Variants in ELOC observed in about 807,000 individuals in gnomAD.
ELOC encodes elongin-C.
For missense variants in ELOC, 38 were observed against 139.0 expected, an observed-to-expected ratio of 0.27 and a Z score of 3.65; for synonymous variants, 40 against 51.3, an observed-to-expected ratio of 0.78 and a Z score of 0.94.
In ELOC at chr8:73,959,828, T is replaced by C. The variant is rs111708463; in HGVS notation, c.-50-10A>G. On this transcript the variant is annotated splice_polypyrimidine_tract_variant and intron_variant, in intron 1 of 3. Transcript: ENST00000520242. ...GAACTTTAGTAGTTTCCTGAAAATA[T>C]AACAATATCATATTAAGATTAATGT... The C allele has an allele frequency of 1.7e-5, 24 of 1,383,004 alleles. No homozygotes were observed. The African/African-American group carries it at 2.9e-4, about 17-fold the overall frequency. 85.7% of individuals were successfully genotyped at this position (1,383,004 alleles called of 1,614,324 possible).
At chr8:73,961,733 G>A (rs112748538) in intron 1 of ELOC, among the ~76,000 whole-genome samples, 35,469 of 151,946 alleles carry the variant, frequency 0.23, 4,436 homozygotes, top group Non-Finnish European at 0.29. Context: ...GGCTGGTCTC[G>A]AACTCCTGAC....
chr8:73,959,834 T>A lies in ELOC; in HGVS notation c.-50-16A>T, dbSNP rs1814470651. The A allele has an allele frequency of 1.5e-5, 20 of 1,332,848 alleles. No individual in the cohort carries two copies. The highest frequency in any genetic ancestry group is 2.0e-5 in the Non-Finnish European group (20 of 976,878). 82.6% of individuals were successfully genotyped at this position (1,332,848 alleles called of 1,614,324 possible). ...TAGTAGTTTCCTGAAAATATAACAA[T>A]ATCATATTAAGATTAATGTTGCAAG... On this transcript the variant is annotated splice_polypyrimidine_tract_variant and intron_variant, in intron 1 of 3. Transcript: ENST00000520242.
intron 3 of ELOC, among the ~76,000 whole-genome samples, chr8:73,953,904 C>T (rs546648264): frequency 1.1e-4 from 17 of 152,332 alleles, no homozygotes; most frequent in African/African-American, 3.4e-4. Context: ...GTTCACAGAA[C>T]TATTCATGGT....
At position 73,946,717 on chromosome 8, in the gene ELOC, A is replaced by C; in HGVS notation, c.252T>G (p.Thr84=). ...ATTCAGGAATCTCGGTGGAGCTGTT[A>C]GTGTAGCGAACCTTGTACGTAAAAT... ...CMYFTYKVRY[T]NSSTEIPEFP... Residue 84 remains threonine (T), a synonymous_variant, in exon 4 of 4, where the codon ACT becomes ACG. Transcript: ENST00000520242. 3 of 1,612,056 alleles carry C rather than the reference A, an allele frequency of 1.9e-6. No homozygotes were observed. The highest frequency in any genetic ancestry group is 2.5e-6 in the Non-Finnish European group (3 of 1,178,970).
chr8:73,961,647 G>A (rs552394080), intron 1 of ELOC, among the ~76,000 whole-genome samples: 2 of 152,062 alleles, frequency 1.3e-5, no homozygotes, highest in East Asian at 3.9e-4. Flanking sequence ...CCCAGTAGCT[G>A]GGATTACAGG....
At chr8:73,967,217 T>C (rs1310713872) in intron 1 of ELOC, among the ~76,000 whole-genome samples, 1 of 152,002 alleles carries the variant, frequency 6.6e-6, no homozygotes, top group Admixed American at 6.6e-5. Context: ...GTGGACAAAA[T>C]AAATCCAACA....
Position 73,972,108 on chromosome 8 carries a change from C to G in ELOC, c.-82G>C, listed in dbSNP as rs1815460121. On this transcript the variant is annotated 5_prime_UTR_variant, in exon 1 of 4. Coordinates refer to ENST00000520242, the MANE Select transcript of ELOC (RefSeq NM_005648.4). ...GTCCCGCAGCCACCGCAGCCGGGTC[C>G]CCGCGTACTGCCACAGCCCCTATCC... 6.5e-6 allele frequency: 1 copy of G among 152,690 alleles called. No homozygotes were observed. The highest frequency in any genetic ancestry group is 1.5e-5 in the Non-Finnish European group (1 of 68,430). 9.5% of individuals were successfully genotyped at this position (152,690 alleles called of 1,614,324 possible).
At chr8:73,951,820 G>T (rs1277916) in intron 3 of ELOC, among the ~76,000 whole-genome samples, 2,312 of 152,248 alleles carry the variant, frequency 0.015, 18 homozygotes, top group Non-Finnish European at 0.023. Flanking sequence ...AAACAGTGTG[G>T]TACTGGCATA....
intron 1 of ELOC, among the ~76,000 whole-genome samples, chr8:73,966,395 A>G (rs933022178): frequency 6.6e-6 from 1 of 152,084 alleles, no homozygotes. Flanking sequence ...GAAGATAGGA[A>G]AAGAGGTGAG....
chr8:73,967,243 G>A (rs1054493371), intron 1 of ELOC, among the ~76,000 whole-genome samples: 4 of 151,962 alleles, frequency 2.6e-5, no homozygotes, highest in Non-Finnish European at 4.4e-5. Flanking sequence ...TCCTCCACCC[G>A]TATCCTGGAA....
At chr8:73,967,501 CTT>C (rs371862397) in intron 1 of ELOC, among the ~76,000 whole-genome samples, 161 of 142,050 alleles carry the variant, frequency 1.1e-3, no homozygotes, top group African/African-American at 4.0e-3. Flanking sequence ...GAGTTTCGCT[CTT>C]GTTACCCAGG....
At chr8:73,966,245 A>G (rs376807145) in intron 1 of ELOC, among the ~76,000 whole-genome samples, 23 of 152,336 alleles carry the variant, frequency 1.5e-4, no homozygotes, top group African/African-American at 5.1e-4. Context: ...TACATACGGC[A>G]TGGTGAAGAA....
At chr8:73,959,999 T>A (rs1814481325) in intron 1 of ELOC, among the ~76,000 whole-genome samples, 181 bp from the exon 2 acceptor site, 1 of 152,206 alleles carries the variant, frequency 6.6e-6, no homozygotes, top group Non-Finnish European at 1.5e-5. Flanking sequence ...AATACCAAAA[T>A]GCTTTGTGAG....
At chr8:73,953,477 G>C (rs1484212722) in intron 3 of ELOC, among the ~76,000 whole-genome samples, 1 of 152,026 alleles carries the variant, frequency 6.6e-6, no homozygotes, top group African/African-American at 2.4e-5. Flanking sequence ...GGGAATTCGA[G>C]ACCAGCCTGA....
At chr8:73,959,856 C>T in intron 1 of ELOC, 38 bp from the exon 2 acceptor site, 2 of 1,136,332 alleles carry the variant, frequency 1.8e-6, no homozygotes, top group Non-Finnish European at 2.4e-6. Flanking sequence ...ATTAATGTTG[C>T]AAGAGACAAG....
intron 1 of ELOC, chr8:73,971,730 A>G (rs1020445933): frequency 2.6e-5 from 4 of 152,232 alleles, no homozygotes; most frequent in Middle Eastern, 3.4e-3. Context: ...AAAAGAACTA[A>G]TCTGAGCGGA....
chr8:73,954,127 C>A (rs1813973950), intron 3 of ELOC, among the ~76,000 whole-genome samples: 1 of 152,016 alleles, frequency 6.6e-6, no homozygotes. Context: ...ACAAAATGGC[C>A]AGAATAGGTA....
intron 3 of ELOC, among the ~76,000 whole-genome samples, chr8:73,954,627 G>A (rs888338366): frequency 7.3e-5 from 11 of 150,398 alleles, no homozygotes; most frequent in Non-Finnish European, 1.5e-4. Context: ...ACTCCAGCCT[G>A]GGCGGCAGAG....
rs1813364424 is a variant in ELOC at position 73,946,094 on chromosome 8, T to C, written c.*536A>G. The C allele has an allele frequency of 6.6e-6, 1 of 152,040 alleles. No homozygotes were observed. Among genetic ancestry groups the C allele is most frequent in the African/African-American group, 2.4e-5 (1 of 41,294 alleles). 9.4% of individuals were successfully genotyped at this position (152,040 alleles called of 1,614,324 possible). On this transcript the variant is annotated 3_prime_UTR_variant, in exon 4 of 4. Coordinates refer to ENST00000520242, the MANE Select transcript of ELOC (RefSeq NM_005648.4). ...TGTAGCAATAAACAAAAGGACAAAG[T>C]ACACTTAAAGAATACTGCAGTTTAT...
Sources: gnomAD v4.1 joint callset for allele counts (sites outside exome capture counted in the v4.1 genomes callset) on GRCh38, gnomAD v4.1.1 for gene constraint, MANE v1.5 for transcripts, NCBI Gene and HGNC (gene_info 2026-07-23, HGNC 2026-07-21) for gene names.